IGSF11: variants seen among roughly 807,000 people sequenced by gnomAD.
The protein encoded by IGSF11 is immunoglobulin superfamily member 11, also known as CXADR like 1.
In IGSF11, 22 loss-of-function variants were observed where a neutral mutation model predicts 41.0. That is an observed-to-expected ratio of 0.54 (90% CI 0.38 to 0.77). The LOEUF is 0.77. Among genes scored for constraint, IGSF11 ranks in the 30% least tolerant of loss-of-function variants. The pLI, the probability that IGSF11 is intolerant of heterozygous loss-of-function variation, is 0.00. For synonymous variants in IGSF11, 219 were observed against 201.3 expected (o/e 1.09, Z -0.74); for missense variants, 444 against 530.8 (o/e 0.84, Z 1.61).
intron 1 of IGSF11, among the ~76,000 whole-genome samples, chr3:119,136,975 T>C (rs1278105245): frequency 1.3e-5 from 2 of 152,108 alleles, no homozygotes; most frequent in African/African-American, 4.8e-5. Flanking sequence ...AGTAATGCCA[T>C]TTACAATAAC....
chr3:119,097,639 C>T (rs544250938), intron 1 of IGSF11, among the ~76,000 whole-genome samples: 47 of 152,270 alleles, frequency 3.1e-4, no homozygotes, highest in Middle Eastern at 3.4e-3. Context: ...ATTTTGACCC[C>T]ATCACCCAAC....
chr3:119,058,926 A>G (rs561701911), intron 1 of IGSF11, among the ~76,000 whole-genome samples: 2 of 152,182 alleles, frequency 1.3e-5, no homozygotes, highest in South Asian at 2.1e-4. Context: ...TTGAACAATG[A>G]GAACACATGG....
intron 1 of IGSF11, among the ~76,000 whole-genome samples, chr3:119,099,009 G>A (rs1333705673): frequency 6.6e-6 from 1 of 152,034 alleles, no homozygotes; most frequent in Non-Finnish European, 1.5e-5. Flanking sequence ...GTCATATTAA[G>A]TATAATGTTT....
At chr3:119,028,477 G>C (rs1208726136) in intron 1 of IGSF11, among the ~76,000 whole-genome samples, 1 of 152,184 alleles carries the variant, frequency 6.6e-6, no homozygotes, top group South Asian at 2.1e-4. Flanking sequence ...CTAACATACA[G>C]GTCCCTCAGG....
upstream of IGSF11, among the ~76,000 whole-genome samples, chr3:119,109,386 T>C (rs2107516432): frequency 6.6e-6 from 1 of 152,298 alleles, no homozygotes; most frequent in South Asian, 2.1e-4. Flanking sequence ...TAGAGGTGTT[T>C]GTAGTATTCT....
rs748635895 is a variant in IGSF11, at chr3:119,034,544, G to A, written c.39C>T (p.Leu13=). Residue 13 remains leucine, a synonymous_variant, in exon 1 of 7, where the codon CTC becomes CTT. Coordinates refer to ENST00000393775, the MANE Select transcript of IGSF11 (RefSeq NM_001015887.3). Reference sequence around the variant, plus strand: ...GGAGCTACTCACCGTGCAGAGAGAGGAGCAGCAAAGGCGCCAGAGGGGAAC... The same window carrying A: ...GGAGCTACTCACCGTGCAGAGAGAGAAGCAGCAAAGGCGCCAGAGGGGAAC... ...SQRSPLAPLL[L]LSLHGVAASL... is the part of the protein sequence containing the mutation. 4.4e-6 allele frequency: 7 copies of A among 1,592,596 alleles called. No individual in the cohort carries two copies. Among genetic ancestry groups the A allele is most frequent in the African/African-American group, 2.7e-5 (2 of 73,562 alleles).
chr3:119,032,161 T>C (rs1940463233), intron 1 of IGSF11, among the ~76,000 whole-genome samples: 1 of 152,234 alleles, frequency 6.6e-6, no homozygotes, highest in African/African-American at 2.4e-5. Flanking sequence ...ATTTCTACCT[T>C]TGGTGTATCA....
At chr3:118,967,734 T>C (rs1405979232) in intron 1 of IGSF11, among the ~76,000 whole-genome samples, 1 of 152,234 alleles carries the variant, frequency 6.6e-6, no homozygotes, top group Non-Finnish European at 1.5e-5. Flanking sequence ...TCTGCACTTA[T>C]TGAAACATGT....
chr3:118,944,295 G>C (rs1286021887), intron 1 of IGSF11, among the ~76,000 whole-genome samples: 1 of 152,074 alleles, frequency 6.6e-6, no homozygotes, highest in Middle Eastern at 3.2e-3. Flanking sequence ...AATGTATCTA[G>C]GTTTACTTTC....
At chr3:118,905,836 T>C (rs1939526481) in intron 4 of IGSF11, 118 bp from the exon 5 acceptor site, 1 of 1,135,666 alleles carries the variant, frequency 8.8e-7, no homozygotes, top group African/African-American at 1.6e-5. Context: ...AATTTCTTTT[T>C]TGTGGGGGTA....
intron 1 of IGSF11, among the ~76,000 whole-genome samples, chr3:119,089,531 C>T (rs558685212): frequency 6.6e-6 from 1 of 152,268 alleles, no homozygotes; most frequent in South Asian, 2.1e-4. Flanking sequence ...GACGAGGATG[C>T]CCACTCTCAC....
At chr3:119,124,546 A>G (rs919162180) in intron 1 of IGSF11, among the ~76,000 whole-genome samples, 38 of 151,422 alleles carry the variant, frequency 2.5e-4, no homozygotes, top group African/African-American at 7.8e-4. Flanking sequence ...GAGTCTTTTA[A>G]TGGCAGAATA....
chr3:119,019,456 C>T lies in IGSF11; in HGVS notation c.52+15075G>A, dbSNP rs1158898965. Among the ~76,000 whole-genome samples the T allele has an allele frequency of 2.7e-5, 4 of 150,210 alleles. No individual in the cohort carries two copies. In the East Asian group the frequency reaches 7.8e-4, roughly 29 times the overall value. On this transcript the variant is annotated intron_variant, in intron 1 of 6. Transcript: ENST00000393775. ...TGAATTTAGTTATTTCAGGCAGATCCAAGAATTTGCACAGCCTAAGAAACC... is the reference window on the plus strand; with the variant it reads ...TGAATTTAGTTATTTCAGGCAGATCTAAGAATTTGCACAGCCTAAGAAACC...
chr3:119,069,973 G>A (rs868041655), intron 1 of IGSF11, among the ~76,000 whole-genome samples: 8 of 152,208 alleles, frequency 5.3e-5, no homozygotes, highest in African/African-American at 1.9e-4. Flanking sequence ...AGTAACATCT[G>A]TTGAGCCCCT....
At chr3:119,007,453 C>T (rs558586767) in intron 1 of IGSF11, among the ~76,000 whole-genome samples, 22 of 152,078 alleles carry the variant, frequency 1.4e-4, no homozygotes, top group East Asian at 5.8e-4. Flanking sequence ...AGCTGTAGAC[C>T]GGAGCTGTTC....
upstream of IGSF11, among the ~76,000 whole-genome samples, chr3:119,109,429 G>A (rs932202051): frequency 4.6e-5 from 7 of 152,120 alleles, no homozygotes; most frequent in African/African-American, 1.7e-4. Flanking sequence ...AGGGATCGGT[G>A]GTGATATCCC....
intron 1 of IGSF11, among the ~76,000 whole-genome samples, chr3:118,957,499 A>C (rs1381980260): frequency 6.6e-6 from 1 of 152,200 alleles, no homozygotes; most frequent in African/African-American, 2.4e-5. Flanking sequence ...CATTTCACCT[A>C]ACAAATGTGT....
chr3:119,000,333 A>G (rs1204430620), intron 1 of IGSF11, among the ~76,000 whole-genome samples: 1 of 150,130 alleles, frequency 6.7e-6, no homozygotes, highest in Non-Finnish European at 1.5e-5. Context: ...TCCAGGCCAG[A>G]TCTCCCTTTG....
intron 1 of IGSF11, among the ~76,000 whole-genome samples, chr3:119,094,172 C>T (rs1229616394): frequency 2.4e-5 from 3 of 123,786 alleles, no homozygotes; most frequent in African/African-American, 5.8e-5. Flanking sequence ...TATACCTTTT[C>T]CATTTTTTCA....
Sources: gnomAD v4.1 joint callset for allele counts (sites outside exome capture counted in the v4.1 genomes callset) on GRCh38, gnomAD v4.1.1 for gene constraint, MANE v1.5 for transcripts, NCBI Gene and HGNC (gene_info 2026-07-23, HGNC 2026-07-21) for gene names.